The following ARHGAP26 variants were observed in gnomAD, a reference collection of about 807,000 sequenced individuals.
ARHGAP26 encodes Rho GTPase activating protein 26.
Under a neutral mutation model 104.8 loss-of-function variants are expected in ARHGAP26, and 38 were observed. That is an observed-to-expected ratio of 0.36 (90% CI 0.28 to 0.48). The LOEUF (loss-of-function observed/expected upper bound fraction) is 0.48, where lower values mean the gene tolerates loss of function less well. ARHGAP26 is among the 20% of genes least tolerant of loss of function. The probability of loss-of-function intolerance (pLI) is 0.99; values close to 1 mark genes in which losing one functional copy is unlikely to be tolerated. For missense variants in ARHGAP26, 704 were observed against 947.9 expected, an observed-to-expected ratio of 0.74 and a Z score of 3.38; for synonymous variants, 341 against 340.0, an observed-to-expected ratio of 1.00 and a Z score of -0.03.
chr5:142,850,804 A>G (rs1053249140), intron 1 of ARHGAP26, among the ~76,000 whole-genome samples: 4 of 152,240 alleles, frequency 2.6e-5, no homozygotes, highest in Non-Finnish European at 5.9e-5. Context: ...CATATGTAGC[A>G]AATAAGGAAT....
intron 12 of ARHGAP26, among the ~76,000 whole-genome samples, chr5:143,031,065 GGGAGCCAAAGGCTCCCGTGCGAAATCCAC>G (rs1781769045): frequency 2.0e-5 from 3 of 152,252 alleles, no homozygotes; most frequent in Non-Finnish European, 2.9e-5. Context: ...AATGTGAGTT[GGGAGCCAAAGGCTCCCGTGCGAAATCCAC>G]AGTCTGTGCT....
At chr5:142,927,505 C>T (rs1017827341) in intron 10 of ARHGAP26, among the ~76,000 whole-genome samples, 3 of 152,074 alleles carry the variant, frequency 2.0e-5, no homozygotes, top group Non-Finnish European at 4.4e-5. Flanking sequence ...CAGTAGTTGA[C>T]TCTTTTTTTA....
intron 10 of ARHGAP26, among the ~76,000 whole-genome samples, chr5:142,925,089 C>T (rs549272123): frequency 9.1e-6 from 1 of 109,398 alleles, no homozygotes; most frequent in East Asian, 1.2e-3. Context: ...CAGTTTAAAA[C>T]TGAAAAAAAT....
chr5:142,992,696 C>A (rs1016902752), intron 11 of ARHGAP26, among the ~76,000 whole-genome samples: 1 of 152,046 alleles, frequency 6.6e-6, no homozygotes. Context: ...AAAGTGCTAG[C>A]ATTACAGGCA....
At chr5:143,218,065 C>G (rs1421232160) in intron 22 of ARHGAP26, among the ~76,000 whole-genome samples, 1 of 152,166 alleles carries the variant, frequency 6.6e-6, no homozygotes, top group South Asian at 2.1e-4. Flanking sequence ...CAAATCCAAC[C>G]CGCCACCTGT....
intron 11 of ARHGAP26, among the ~76,000 whole-genome samples, chr5:142,985,295 A>G (rs1774523071): frequency 6.6e-6 from 1 of 152,226 alleles, no homozygotes. Context: ...TTGTAAAGTT[A>G]CAGTAAACTA....
intron 1 of ARHGAP26, among the ~76,000 whole-genome samples, chr5:142,791,317 A>G (rs566646868): frequency 7.2e-5 from 11 of 151,964 alleles, no homozygotes; most frequent in Non-Finnish European, 1.5e-4. Flanking sequence ...GTGTAGATTA[A>G]TGCTGTCACC....
chr5:142,881,516 TCTC>T (rs1757001535), intron 4 of ARHGAP26, among the ~76,000 whole-genome samples: 2 of 152,144 alleles, frequency 1.3e-5, no homozygotes, highest in Admixed American at 6.5e-5. Context: ...CATATTCTAT[TCTC>T]CTATTCATTA....
At chr5:143,201,853 G>A (rs995964976) in intron 20 of ARHGAP26, among the ~76,000 whole-genome samples, 5 of 152,172 alleles carry the variant, frequency 3.3e-5, no homozygotes, top group Non-Finnish European at 7.4e-5. Flanking sequence ...TGACTCTAAA[G>A]TACAAATAAA....
At chr5:142,784,680 C>T (rs1450198110) in intron 1 of ARHGAP26, among the ~76,000 whole-genome samples, 1 of 152,112 alleles carries the variant, frequency 6.6e-6, no homozygotes, top group Non-Finnish European at 1.5e-5. Flanking sequence ...CGATGGTAGG[C>T]AGAGACCATG....
chr5:142,833,598 T>C (rs1768955552), intron 1 of ARHGAP26, among the ~76,000 whole-genome samples: 1 of 152,188 alleles, frequency 6.6e-6, no homozygotes, highest in Non-Finnish European at 1.5e-5. Flanking sequence ...TGGAATTACT[T>C]GGTCAAAGGG....
At chr5:142,957,363 C>T (rs1464028342) in intron 11 of ARHGAP26, among the ~76,000 whole-genome samples, 2 of 152,066 alleles carry the variant, frequency 1.3e-5, no homozygotes, top group Non-Finnish European at 2.9e-5. Context: ...ATAAATCTTA[C>T]GTAAATATAA....
chr5:143,058,066 G>T (rs1260334341), intron 17 of ARHGAP26: 6 of 554,658 alleles, frequency 1.1e-5, no homozygotes, highest in African/African-American at 9.3e-5. Flanking sequence ...ACAGAATTTT[G>T]TGGGATTATA....
Position 142,976,987 on chromosome 5 carries a change from C to G in ARHGAP26, c.1108-37093C>G, listed in dbSNP as rs530184682. 1.6e-3 allele frequency among the ~76,000 whole-genome samples: 238 copies of G among 152,352 alleles called. 1 individual carries two copies. The highest frequency in any genetic ancestry group is 5.3e-3 in the African/African-American group (221 of 41,574). On this transcript the variant is annotated intron_variant, in intron 11 of 22. Transcript: ENST00000645722. ...GCAAAAGTCCCAGGGCAGGCTCTTT[C>G]ATTGGCCTGGGCCAGGTTCTGTATT...
intron 10 of ARHGAP26, among the ~76,000 whole-genome samples, chr5:142,924,020 C>A (rs968495459): frequency 1.3e-5 from 2 of 151,996 alleles, no homozygotes; most frequent in African/African-American, 4.8e-5. Context: ...TGCCACCGCA[C>A]CTGGCTAATT....
chr5:143,052,419 A>G, intron 14 of ARHGAP26, among the ~76,000 whole-genome samples: 1 of 151,976 alleles, frequency 6.6e-6, no homozygotes, highest in Non-Finnish European at 1.5e-5. Flanking sequence ...GCAGTGAGCC[A>G]AGACTGCGCC....
intron 1 of ARHGAP26, among the ~76,000 whole-genome samples, chr5:142,806,113 A>G (rs993960678): frequency 1.3e-5 from 2 of 152,126 alleles, no homozygotes; most frequent in African/African-American, 4.8e-5. Context: ...TTGTTGTCGG[A>G]GACAGAGTCT....
intron 2 of ARHGAP26, 121 bp downstream of exon 2, chr5:142,873,616 G>C: frequency 1.6e-6 from 1 of 634,510 alleles, no homozygotes. Context: ...GAAGTCCTTA[G>C]TGGAAGTGGA....
intron 20 of ARHGAP26, among the ~76,000 whole-genome samples, chr5:143,178,722 G>A (rs939645733): frequency 1.1e-4 from 16 of 152,218 alleles, no homozygotes; most frequent in Non-Finnish European, 1.8e-4. Flanking sequence ...ATTGCCCCAG[G>A]AGGGAGGCTG....
Sources: gnomAD v4.1 joint callset for allele counts (sites outside exome capture counted in the v4.1 genomes callset) on GRCh38, gnomAD v4.1.1 for gene constraint, MANE v1.5 for transcripts, NCBI Gene and HGNC (gene_info 2026-07-23, HGNC 2026-07-21) for gene names.